AGBL4: variants seen among roughly 807,000 people sequenced by gnomAD.
AGBL4 encodes the protein cytosolic carboxypeptidase 6.
In AGBL4, 58 loss-of-function variants were observed where a neutral mutation model predicts 66.4. That is an observed-to-expected ratio of 0.87 (90% confidence interval 0.71 to 1.09). The LOEUF (loss-of-function observed/expected upper bound fraction) is 1.09, where lower values mean the gene tolerates loss of function less well. Among genes scored for constraint, AGBL4 ranks in the 50% least tolerant of loss-of-function variants. The pLI is 0.00. For missense variants in AGBL4, 579 were observed against 631.0 expected (o/e 0.92, Z 0.88); for synonymous variants, 234 against 222.9 (o/e 1.05, Z -0.44).
At chr1:49,951,020 G>T (rs1656112623) in intron 1 of AGBL4, among the ~76,000 whole-genome samples, 1 of 151,688 alleles carries the variant, frequency 6.6e-6, no homozygotes, top group African/African-American at 2.4e-5. Flanking sequence ...CTTATATGTA[G>T]AATCAGAAAA....
Position 48,645,100 on chromosome 1 carries a change from A to G in AGBL4, c.839+8237T>C, listed in dbSNP as rs80315316. ...TCTAGCCATCTGGCCTTTTCTGTGG[A>G]ACCTGGCTGGGAAGCTCATTTGAAT... On this transcript the variant is annotated intron_variant, in intron 8 of 13. Coordinates refer to ENST00000371839, the MANE Select transcript of AGBL4 (RefSeq NM_032785.4). Among the ~76,000 whole-genome samples the G allele has an allele frequency of 7.8e-3, 1,191 of 152,316 alleles. 11 individuals are homozygous for G. Among genetic ancestry groups the G allele is most frequent in the Admixed American group, 0.01 (155 of 15,302 alleles).
At chr1:49,332,545 T>C (rs1645355534) in intron 3 of AGBL4, among the ~76,000 whole-genome samples, 1 of 152,208 alleles carries the variant, frequency 6.6e-6, no homozygotes. Flanking sequence ...CCCACTCCTG[T>C]ATATTGTTGC....
At chr1:48,532,659 C>T (rs994046172), downstream of AGBL4, among the ~76,000 whole-genome samples, 80 of 152,292 alleles carry the variant, frequency 5.3e-4, no homozygotes, top group African/African-American at 1.8e-3. Flanking sequence ...AAGCTGGTTG[C>T]AGTCAATTAA....
chr1:49,658,245 A>G (rs1305576678), intron 3 of AGBL4, among the ~76,000 whole-genome samples: 1 of 152,226 alleles, frequency 6.6e-6, no homozygotes, highest in African/African-American at 2.4e-5. Flanking sequence ...CAGCCAACAG[A>G]CACATGAAAA....
chr1:49,468,386 T>C (rs997873917), intron 3 of AGBL4, among the ~76,000 whole-genome samples: 1 of 151,846 alleles, frequency 6.6e-6, no homozygotes, highest in South Asian at 2.1e-4. Flanking sequence ...TGTATCATAA[T>C]CCTGAAGGAT....
intron 1 of AGBL4, among the ~76,000 whole-genome samples, chr1:49,917,014 C>A (rs181300972): frequency 6.6e-6 from 1 of 152,072 alleles, no homozygotes; most frequent in Non-Finnish European, 1.5e-5. Flanking sequence ...GAAATAAAAT[C>A]CTTTACAGAC....
intron 6 of AGBL4, among the ~76,000 whole-genome samples, chr1:48,735,835 C>T (rs1398729844): frequency 1.3e-5 from 2 of 152,064 alleles, no homozygotes; most frequent in Non-Finnish European, 2.9e-5. Context: ...GTTCAAGATG[C>T]TTCTGCCTCC....
intron 5 of AGBL4, among the ~76,000 whole-genome samples, chr1:48,876,484 T>C (rs1208155238): frequency 1.3e-5 from 2 of 152,164 alleles, no homozygotes; most frequent in East Asian, 3.9e-4. Flanking sequence ...TTCTCTGCTC[T>C]AGCCCTAAAA....
intron 6 of AGBL4, among the ~76,000 whole-genome samples, chr1:48,742,126 A>G (rs1247131626): frequency 6.6e-6 from 1 of 152,238 alleles, no homozygotes; most frequent in Non-Finnish European, 1.5e-5. Context: ...CTTGGGGATA[A>G]GGGAGTATGT....
chr1:49,467,565 A>C (rs1162595283), intron 3 of AGBL4, among the ~76,000 whole-genome samples: 1 of 151,862 alleles, frequency 6.6e-6, no homozygotes, highest in Non-Finnish European at 1.5e-5. Context: ...TGAGCAATGC[A>C]GGACTACTGT....
intron 2 of AGBL4, among the ~76,000 whole-genome samples, chr1:49,748,952 T>C (rs951060047): frequency 8.5e-5 from 13 of 152,190 alleles, no homozygotes; most frequent in African/African-American, 2.7e-4. Context: ...TCCCATTCTA[T>C]AGGTTGTCTG....
At chr1:49,459,071 T>G (rs185748837) in intron 3 of AGBL4, among the ~76,000 whole-genome samples, 1 of 151,542 alleles carries the variant, frequency 6.6e-6, no homozygotes, top group East Asian at 2.0e-4. Flanking sequence ...TTTTATTTCT[T>G]GTTAATTGCT....
chr1:49,483,557 A>C (rs1647000598), intron 3 of AGBL4, among the ~76,000 whole-genome samples: 1 of 152,016 alleles, frequency 6.6e-6, no homozygotes, highest in African/African-American at 2.4e-5. Context: ...TATGGAAAAG[A>C]AGAAAATTAA....
intron 2 of AGBL4, among the ~76,000 whole-genome samples, chr1:49,787,846 C>A (rs1281476879): frequency 1.3e-5 from 2 of 152,036 alleles, no homozygotes; most frequent in African/African-American, 4.8e-5. Flanking sequence ...TACCAGCTCG[C>A]CTGCACATAG....
chr1:48,783,121 T>C (rs889731424), intron 6 of AGBL4, among the ~76,000 whole-genome samples: 32 of 152,224 alleles, frequency 2.1e-4, no homozygotes, highest in Non-Finnish European at 1.0e-4. Flanking sequence ...TTTCCTATTT[T>C]GCCCAGAAAA....
intron 4 of AGBL4, among the ~76,000 whole-genome samples, chr1:49,165,385 T>C (rs992923031): frequency 2.0e-5 from 3 of 152,152 alleles, no homozygotes; most frequent in Non-Finnish European, 4.4e-5. Flanking sequence ...TTTTACATTA[T>C]CACCAGAGAT....
At position 49,215,885 on chromosome 1, in the gene AGBL4, CATGAT is replaced by C. The variant is rs1234450891; in HGVS notation, c.377+29880_377+29884del. The stretch of plus-strand genomic sequence containing the variant: ...GTGTTGATTACTCCATTGATAGTGA[CATGAT>C]ATATTATTATCCCTCATTTATCATG... On this transcript the variant is annotated intron_variant, in intron 4 of 13. Coordinates refer to ENST00000371839, the MANE Select transcript of AGBL4 (RefSeq NM_032785.4). Among the ~76,000 whole-genome samples the C allele has an allele frequency of 8.5e-5, 13 of 152,196 alleles. No homozygotes were observed. The East Asian group carries it at 2.5e-3, about 29-fold the overall frequency.
intron 6 of AGBL4, among the ~76,000 whole-genome samples, chr1:48,722,795 C>T (rs1647173200): frequency 6.6e-6 from 1 of 152,170 alleles, no homozygotes; most frequent in South Asian, 2.1e-4. Flanking sequence ...GCTGACCAAA[C>T]TCTTCCTGGA....
At chr1:49,181,180 G>C (rs1182936420) in intron 4 of AGBL4, among the ~76,000 whole-genome samples, 1 of 150,736 alleles carries the variant, frequency 6.6e-6, no homozygotes, top group African/African-American at 2.4e-5. Flanking sequence ...CTCCTGTAAG[G>C]CCACGATCCA....
Sources: allele counts gnomAD v4.1 joint callset (sites outside exome capture counted in the v4.1 genomes callset), GRCh38; gene constraint gnomAD v4.1.1; transcripts MANE v1.5; gene names NCBI Gene and HGNC (gene_info 2026-07-23, HGNC 2026-07-21).